EGFR: variants seen among roughly 807,000 people sequenced by gnomAD.
The protein encoded by EGFR is avian erythroblastic leukemia viral (v-erb-b) oncogene homolog.
In EGFR, 58 loss-of-function variants were observed where a neutral mutation model predicts 143.0. That is an observed-to-expected ratio of 0.41 (90% CI 0.33 to 0.50). The LOEUF (loss-of-function observed/expected upper bound fraction) is 0.50, where lower values mean the gene tolerates loss of function less well. Among genes scored for constraint, EGFR ranks in the 20% least tolerant of loss-of-function variants. The probability of loss-of-function intolerance (pLI) is 0.39; values close to 1 mark genes in which losing one functional copy is unlikely to be tolerated. For missense variants in EGFR, 1,307 were observed against 1,579.0 expected (o/e 0.83, Z 2.92); for synonymous variants, 613 against 594.4 (o/e 1.03, Z -0.45).
At chr7:55,097,820 C>CAAA (rs796598124) in intron 1 of EGFR, among the ~76,000 whole-genome samples, 5 of 139,496 alleles carry the variant, frequency 3.6e-5, no homozygotes, top group African/African-American at 1.3e-4. Flanking sequence ...TCCCATTTGT[C>CAAA]AAAAAAAAAA....
At chr7:55,055,561 T>C (rs1021545878) in intron 1 of EGFR, among the ~76,000 whole-genome samples, 3 of 152,216 alleles carry the variant, frequency 2.0e-5, no homozygotes, top group African/African-American at 7.2e-5. Flanking sequence ...GTATATAACA[T>C]ATCATATGCA....
At chr7:55,019,541 C>G (rs1016002557) in intron 1 of EGFR, among the ~76,000 whole-genome samples, 176 bp downstream of exon 1, 5 of 152,076 alleles carry the variant, frequency 3.3e-5, no homozygotes, top group African/African-American at 1.2e-4. Flanking sequence ...CGGGACGTTT[C>G]GTTCTTCGGC....
intron 1 of EGFR, among the ~76,000 whole-genome samples, chr7:55,130,370 CT>C (rs750125191): frequency 4.2e-4 from 64 of 152,324 alleles, no homozygotes; most frequent in Non-Finnish European, 7.8e-4. Flanking sequence ...AATTAAGATT[CT>C]TCTATGGCAG....
chr7:55,066,462 C>T (rs944465521), intron 1 of EGFR, among the ~76,000 whole-genome samples: 2 of 152,154 alleles, frequency 1.3e-5, no homozygotes, highest in African/African-American at 2.4e-5. Context: ...CCAGGGCTAC[C>T]GTCAGCCTGC....
At chr7:55,154,942 C>T (rs191428509) in intron 7 of EGFR, among the ~76,000 whole-genome samples, 1 of 151,550 alleles carries the variant, frequency 6.6e-6, no homozygotes, top group Admixed American at 6.6e-5. Context: ...AAATAATAAG[C>T]CATTATAAGG....
At chr7:55,203,274 C>T (rs1180556746) in intron 27 of EGFR, among the ~76,000 whole-genome samples, 2 of 149,884 alleles carry the variant, frequency 1.3e-5, no homozygotes, top group Non-Finnish European at 3.0e-5. Flanking sequence ...ACCACACATA[C>T]ACCACAAAAA....
chr7:55,030,730 A>G (rs1249946782), intron 1 of EGFR, among the ~76,000 whole-genome samples: 6 of 152,362 alleles, frequency 3.9e-5, no homozygotes, highest in Admixed American at 3.3e-4. Context: ...AGCTTTTACA[A>G]AAAGAGACAA....
intron 1 of EGFR, among the ~76,000 whole-genome samples, chr7:55,139,669 T>A (rs894611103): frequency 3.3e-5 from 5 of 152,204 alleles, no homozygotes; most frequent in Non-Finnish European, 7.3e-5. Flanking sequence ...TATAGACATG[T>A]TGGGTAATTG....
intron 1 of EGFR, among the ~76,000 whole-genome samples, chr7:55,137,249 G>C (rs1794195236): frequency 6.6e-6 from 1 of 152,198 alleles, no homozygotes; most frequent in African/African-American, 2.4e-5. Context: ...AGGCCAAGGG[G>C]AGAGACTGAC....
chr7:55,144,619 T>C (rs1794656893), intron 3 of EGFR, among the ~76,000 whole-genome samples: 1 of 152,184 alleles, frequency 6.6e-6, no homozygotes, highest in African/African-American at 2.4e-5. Flanking sequence ...GCCTATAAAA[T>C]TGTGTGGTTC....
chr7:55,105,522 C>A (rs903875702), intron 1 of EGFR, among the ~76,000 whole-genome samples: 18 of 152,290 alleles, frequency 1.2e-4, no homozygotes, highest in Admixed American at 1.1e-3. Context: ...GTTCCAGTAT[C>A]CTAACGTGGA....
At chr7:55,165,019 T>C (rs989887118) in intron 14 of EGFR, among the ~76,000 whole-genome samples, 1 of 152,208 alleles carries the variant, frequency 6.6e-6, no homozygotes, top group African/African-American at 2.4e-5. Flanking sequence ...TTAAGCAGAA[T>C]GCAATAATGT....
chr7:55,076,108 T>A (rs1790119057), intron 1 of EGFR, among the ~76,000 whole-genome samples: 1 of 152,182 alleles, frequency 6.6e-6, no homozygotes, highest in African/African-American at 2.4e-5. Flanking sequence ...ACTGGTATGG[T>A]TTATTATAAC....
chr7:55,112,151 G>T (rs7796872), intron 1 of EGFR, among the ~76,000 whole-genome samples: 1 of 152,184 alleles, frequency 6.6e-6, no homozygotes, highest in Non-Finnish European at 1.5e-5. Flanking sequence ...ACTGCAAACC[G>T]ATACCCAGCT....
intron 1 of EGFR, among the ~76,000 whole-genome samples, chr7:55,060,907 A>T (rs1789128105): frequency 6.6e-6 from 1 of 152,220 alleles, no homozygotes; most frequent in Admixed American, 6.5e-5. Context: ...TGGGAGCTCA[A>T]CAAATTATTA....
intron 1 of EGFR, among the ~76,000 whole-genome samples, chr7:55,056,285 C>A (rs557531115): frequency 6.6e-6 from 1 of 152,170 alleles, no homozygotes; most frequent in Non-Finnish European, 1.5e-5. Flanking sequence ...CATGAAAGAA[C>A]CTGTCTGATG....
At chr7:55,161,099 G>A (rs1003213317) in intron 12 of EGFR, among the ~76,000 whole-genome samples, 1 of 152,194 alleles carries the variant, frequency 6.6e-6, no homozygotes, top group African/African-American at 2.4e-5. Flanking sequence ...AGCAGCACCT[G>A]CTCCTCTGCA....
chr7:55,191,637 G>A (rs2128964175), intron 20 of EGFR, 82 bp from the exon 21 acceptor site: 2 of 1,588,556 alleles, frequency 1.3e-6, no homozygotes, highest in Admixed American at 1.7e-5. Flanking sequence ...TCAGAGCCTG[G>A]CATGAACATG....
At chr7:55,181,201 G>T (rs760665553) in intron 19 of EGFR, 92 bp from the exon 20 acceptor site, 1 of 1,437,192 alleles carries the variant, frequency 7.0e-7, no homozygotes, top group Middle Eastern at 2.3e-4. Context: ...ACTCAAGATC[G>T]CATTCATGCG....
Sources: gnomAD v4.1 joint callset for allele counts (sites outside exome capture counted in the v4.1 genomes callset) on GRCh38, gnomAD v4.1.1 for gene constraint, MANE v1.5 for transcripts, NCBI Gene and HGNC (gene_info 2026-07-23, HGNC 2026-07-21) for gene names.